The following STAT2 variants were observed in gnomAD, a reference collection of about 807,000 sequenced individuals.
The protein encoded by STAT2 is signal transducer and activator of transcription 2, also known as interferon alpha induced transcriptional activator.
In STAT2, 51 loss-of-function variants were observed where a neutral mutation model predicts 122.3. The ratio of observed to expected loss-of-function variants is 0.42; its 90% CI spans 0.33 to 0.53. The LOEUF (loss-of-function observed/expected upper bound fraction) is 0.53. STAT2 is among the 20% of genes least tolerant of loss of function. STAT2 has a pLI of 0.10. For missense variants in STAT2, 736 were observed against 1,010.3 expected (o/e 0.73, Z 3.68); for synonymous variants, 351 against 394.9 (o/e 0.89, Z 1.32).
At chr12:56,355,871 T>C in intron 3 of STAT2, 68 bp from the exon 4 acceptor site, 1 of 1,479,386 alleles carries the variant, frequency 6.8e-7, no homozygotes, top group Non-Finnish European at 9.4e-7. Context: ...CCCTAGACCC[T>C]CCCCACCAAT....
chr12:56,347,002 C>T, intron 19 of STAT2, 47 bp from the exon 20 acceptor site: 1 of 1,600,178 alleles, frequency 6.2e-7, no homozygotes, highest in South Asian at 1.1e-5. Flanking sequence ...CACCCTGCCC[C>T]ACCAGGCCCC....
At position 56,348,706 on chromosome 12, in the gene STAT2, G is replaced by C. The variant is rs1565651278; in HGVS notation, c.1629+46C>G. 6 of 1,614,108 alleles carry C rather than the reference G, an allele frequency of 3.7e-6. No homozygotes were observed. In the African/African-American group the frequency reaches 6.7e-5, roughly 18 times the overall value. On this transcript the variant is annotated intron_variant, in intron 18 of 23. Transcript: ENST00000314128. ...GAGGGACGTGGGAAGGCCAGTATTT[G>C]GAATGTGGGCTAGATCCAGCAGCTC... is the stretch of plus-strand genomic sequence containing the variant.
At chr12:56,351,251 T>C (rs1255483861) in intron 9 of STAT2, 41 bp downstream of exon 9, 2 of 1,612,228 alleles carry the variant, frequency 1.2e-6, no homozygotes, top group South Asian at 2.2e-5. Context: ...TGGCTTCCCT[T>C]GTTCCTTCTT....
Position 56,346,805 on chromosome 12 carries a change from G to C in STAT2, c.1861+14C>G. ...AAGGAGAGGCTGTGGGAATGGCAGGGCAGAGCAGCTGACCATCATCCTGGT... is the reference window on the plus strand; with the variant it reads ...AAGGAGAGGCTGTGGGAATGGCAGGCCAGAGCAGCTGACCATCATCCTGGT... On this transcript the variant is annotated intron_variant, in intron 20 of 23. Transcript: ENST00000314128. 1 of 1,614,146 alleles carries C rather than the reference G, an allele frequency of 6.2e-7. No homozygotes were observed. Among genetic ancestry groups the C allele is most frequent in the Non-Finnish European group, 8.5e-7 (1 of 1,179,998 alleles).
rs905125550 is a variant in STAT2, at chr12:56,351,881, T to C, written c.783-431A>G. ...TGTATGTGATCCCAGGCAGTCTCAT[T>C]GTACAACTCACACTTTGTTTTTTTT... On this transcript the variant is annotated intron_variant, in intron 8 of 23. Transcript: ENST00000314128. Among the ~76,000 whole-genome samples the C allele has an allele frequency of 1.3e-5, 2 of 151,994 alleles. 1 individual carries two copies. Among genetic ancestry groups the C allele is most frequent in the Admixed American group, 1.3e-4 (2 of 15,256 alleles).
Position 56,349,260 on chromosome 12 carries a change from G to A in STAT2, c.1343C>T (p.Thr448Met), listed in dbSNP as rs2066815. The change falls in exon 16 of 24, where the codon ACG becomes ATG. Residue 448 changes from threonine (T) to methionine (M), a missense_variant and splice_region_variant. Transcript: ENST00000314128. ...AATAATCACCACAGGGAGGGTGTCCGTCTGGGGAGAAGACAGGAGTCACAG... is the reference window on the plus strand; with the variant it reads ...AATAATCACCACAGGGAGGGTGTCCATCTGGGGAGAAGACAGGAGTCACAG... ...TYQGLKQELK[T>M]DTLPVVIISN... 4.2e-3 allele frequency: 6,717 copies of A among 1,614,200 alleles called. 366 individuals are homozygous for A. The Admixed American group carries it at 0.094, about 23-fold the overall frequency.
At position 56,349,283 on chromosome 12, in the gene STAT2, C is replaced by T. The variant is rs201639821; in HGVS notation, c.1342-22G>A. On this transcript the variant is annotated intron_variant, in intron 15 of 23. Transcript: ENST00000314128. ...CCGTCTGGGGAGAAGACAGGAGTCA[C>T]AGAGAGGGATGTGATGTTTCTAGCT... 1.5e-4 allele frequency: 243 copies of T among 1,614,140 alleles called. 1 individual carries two copies. The East Asian group carries it at 4.4e-3, about 29-fold the overall frequency.
At position 56,343,801 on chromosome 12, in the gene STAT2, C is replaced by A. The variant is rs752889220; in HGVS notation, c.2413+24G>T. The A allele has an allele frequency of 8.1e-6, 13 of 1,612,002 alleles. No homozygotes were observed. The East Asian group carries it at 2.9e-4, about 36-fold the overall frequency. On this transcript the variant is annotated intron_variant, in intron 23 of 23. Coordinates refer to ENST00000314128, the MANE Select transcript of STAT2 (RefSeq NM_005419.4). ...TAGGAAAGGGAATGTGTGCCATCTT[C>A]CATAGCTCCATCTCATCACTTACTT...
chr12:56,347,981 C>T (rs1381366702), intron 19 of STAT2, among the ~76,000 whole-genome samples: 1 of 152,002 alleles, frequency 6.6e-6, no homozygotes, highest in Non-Finnish European at 1.5e-5. Context: ...AAACCCACCA[C>T]TCAGCATGGT....
At chr12:56,352,985 CT>C (rs75253735) in intron 8 of STAT2, among the ~76,000 whole-genome samples, 7,347 of 141,906 alleles carry the variant, frequency 0.052, 194 homozygotes, top group Non-Finnish European at 0.075. Flanking sequence ...CATGCCTAAT[CT>C]TTTTTTTTTT....
Position 56,355,818 on chromosome 12 carries a change from C to T in STAT2, c.286-15G>A, listed in dbSNP as rs753427081. On this transcript the variant is annotated splice_polypyrimidine_tract_variant and intron_variant, in intron 3 of 23. Transcript: ENST00000314128. ...TGGGAAAAGGGCTAGAATAGGTAAACAGAAAGGATTGATCCAATTCAACCA... is the reference window on the plus strand; with the variant it reads ...TGGGAAAAGGGCTAGAATAGGTAAATAGAAAGGATTGATCCAATTCAACCA... The T allele has an allele frequency of 6.2e-7, 1 of 1,610,042 alleles. No homozygotes were observed. Among genetic ancestry groups the T allele is most frequent in the South Asian group, 1.1e-5 (1 of 91,002 alleles).
chr12:56,346,816 G>A lies in STAT2; in HGVS notation c.1861+3C>T, dbSNP rs778298768. 9 of 1,614,140 alleles carry A rather than the reference G, an allele frequency of 5.6e-6. No homozygotes were observed. Among genetic ancestry groups the A allele is most frequent in the African/African-American group, 1.3e-5 (1 of 75,042 alleles). On this transcript the variant is annotated splice_donor_region_variant and intron_variant, in intron 20 of 23. Coordinates refer to ENST00000314128, the MANE Select transcript of STAT2 (RefSeq NM_005419.4). ...GTGGGAATGGCAGGGCAGAGCAGCT[G>A]ACCATCATCCTGGTGCTCCACCCAG...
chr12:56,354,371 CAAAT>C, intron 8 of STAT2, 91 bp downstream of exon 8: 1 of 1,568,632 alleles, frequency 6.4e-7, no homozygotes, highest in South Asian at 1.2e-5. Flanking sequence ...GGAGCAGAGA[CAAAT>C]AGAGAACAGT....
At position 56,349,187 on chromosome 12, in the gene STAT2, G is replaced by A. The variant is rs1246978704; in HGVS notation, c.1416C>T (p.Phe472=). 6.2e-7 allele frequency: 1 copy of A among 1,614,042 alleles called. No individual in the cohort carries two copies. ...CCTGAAGGTTTGGGCTGAGCAAATT[G>A]AACCAGAGAACTGAAGCCCAGGCAA... is the stretch of plus-strand genomic sequence containing the variant. The part of the protein sequence containing the change: ...LSIAWASVLW[F]NLLSPNLQNQ... The change falls in exon 16 of 24, where the codon TTC becomes TTT. Residue 472 remains phenylalanine, a synonymous_variant. Transcript: ENST00000314128.
chr12:56,346,269 T>TA, intron 21 of STAT2, 66 bp from the exon 22 acceptor site: 1 of 1,596,830 alleles, frequency 6.3e-7, no homozygotes, highest in East Asian at 2.2e-5. Context: ...GAGGTTCCCC[T>TA]AGTGCAGATG....
chr12:56,352,536 T>C (rs1402065406), intron 8 of STAT2: 1 of 151,680 alleles, frequency 6.6e-6, no homozygotes, highest in Non-Finnish European at 1.5e-5. Flanking sequence ...GGTGGGCAGA[T>C]CACTTAAGGC....
At chr12:56,347,010 C>G in intron 19 of STAT2, 55 bp from the exon 20 acceptor site, 1 of 1,594,350 alleles carries the variant, frequency 6.3e-7, no homozygotes, top group South Asian at 1.1e-5. Flanking sequence ...CCCACCAGGC[C>G]CCTGCCTCCC....
Position 56,348,943 on chromosome 12 carries a change from C to A in STAT2, c.1557G>T (p.Met519Ile). ...CTGTACCGAACAGCTTGTTTCTCAGCATGCTCAGCTGGTCTGAGTTGAGGC... is the reference window on the plus strand; with the variant it reads ...CTGTACCGAACAGCTTGTTTCTCAGAATGCTCAGCTGGTCTGAGTTGAGGC... The part of the protein sequence containing the change: ...GRGLNSDQLS[M>I]LRNKLFGQNC... The change falls in exon 17 of 24, where the codon ATG becomes ATT. Residue 519 changes from methionine (M) to isoleucine (I), a missense_variant. By Grantham distance (10) the Met-to-Ile change is conservative. Coordinates refer to ENST00000314128, the MANE Select transcript of STAT2 (RefSeq NM_005419.4). 3 of 1,613,358 alleles carry A rather than the reference C, an allele frequency of 1.9e-6. 1 individual carries two copies.
rs947913779 is a variant in STAT2, at chr12:56,341,729, A to C, written c.*1660T>G. On this transcript the variant is annotated 3_prime_UTR_variant, in exon 24 of 24. Transcript: ENST00000314128. ...GCCTTTCCTTTATATCTCAAGCTAC[A>C]TCAGGAGAACATCTTGGAGCAATGT... is the stretch of plus-strand genomic sequence containing the variant. The C allele has an allele frequency of 4.6e-5, 7 of 152,234 alleles. No homozygotes were observed. Among genetic ancestry groups the C allele is most frequent in the Non-Finnish European group, 1.0e-4 (7 of 68,046 alleles). The allele number at this position is 152,234 out of a possible 1,614,324, so 9.4% of individuals were successfully genotyped here. A position where few individuals can be genotyped will look rare whatever the true frequency, so the allele number is the denominator to read the frequency against.
Sources: allele counts gnomAD v4.1 joint callset (sites outside exome capture counted in the v4.1 genomes callset), GRCh38; gene constraint gnomAD v4.1.1; transcripts MANE v1.5; gene names NCBI Gene and HGNC (gene_info 2026-07-23, HGNC 2026-07-21).